The following CCDC30 variants were observed in gnomAD, a reference collection of about 807,000 sequenced individuals.
The protein encoded by CCDC30 is coiled-coil domain-containing protein 30.
Under a neutral mutation model 100.2 loss-of-function variants are expected in CCDC30, and 70 were observed. The ratio of observed to expected loss-of-function variants is 0.70; its 90% CI spans 0.58 to 0.85. The LOEUF (loss-of-function observed/expected upper bound fraction) is 0.85, where lower values mean the gene tolerates loss of function less well. Among genes scored for constraint, CCDC30 ranks in the 40% least tolerant of loss-of-function variants. The probability of loss-of-function intolerance (pLI) is 0.00; values close to 1 mark genes in which losing one functional copy is unlikely to be tolerated. For synonymous variants in CCDC30, 233 were observed against 269.5 expected (o/e 0.86, Z 1.33); for missense variants, 652 against 771.2 (o/e 0.85, Z 1.83).
At chr1:42,459,760 C>T (rs1368536249), upstream of CCDC30, 1 of 1,614,172 alleles carries the variant, frequency 6.2e-7, no homozygotes, top group Non-Finnish European at 8.5e-7. Context: ...GTGGTGGTGG[C>T]TAATATCCTT....
chr1:42,632,258 G>A (rs967552398), intron 11 of CCDC30, among the ~76,000 whole-genome samples: 3 of 152,168 alleles, frequency 2.0e-5, no homozygotes, highest in Admixed American at 6.5e-5. Context: ...GGTATGTCCA[G>A]GAGCTAGGGC....
intron 6 of CCDC30, among the ~76,000 whole-genome samples, chr1:42,547,666 A>G (rs1645171394): frequency 6.6e-6 from 1 of 152,146 alleles, no homozygotes; most frequent in South Asian, 2.1e-4. Context: ...TGAAAAGTCT[A>G]GGTATCTGCC....
chr1:42,596,163 C>T lies in CCDC30; in HGVS notation c.1164+6680C>T, dbSNP rs1280921850. On this transcript the variant is annotated intron_variant, in intron 10 of 16. Transcript: ENST00000668663. The surrounding 1 kb of genome is among the most constrained non-coding windows in gnomAD (Gnocchi z 4.3). ...ACTGGAGCAAAACCTTCATGAGGACCAGTGCCCAGGTATGGAAACCTGAAC... is the reference window on the plus strand; with the variant it reads ...ACTGGAGCAAAACCTTCATGAGGACTAGTGCCCAGGTATGGAAACCTGAAC... Among the ~76,000 whole-genome samples the T allele has an allele frequency of 1.3e-5, 2 of 152,130 alleles. No homozygotes were observed. Among genetic ancestry groups the T allele is most frequent in the African/African-American group, 2.4e-5 (1 of 41,418 alleles).
At chr1:42,630,444 A>G (rs1173020717) in intron 11 of CCDC30, among the ~76,000 whole-genome samples, 2 of 149,724 alleles carry the variant, frequency 1.3e-5, no homozygotes, top group Non-Finnish European at 3.0e-5. Context: ...GTGCAATGGC[A>G]TGAACTCAGC....
intron 10 of CCDC30, among the ~76,000 whole-genome samples, chr1:42,609,875 T>C (rs1257151029): frequency 1.3e-5 from 2 of 152,230 alleles, no homozygotes; most frequent in East Asian, 3.8e-4. Context: ...CAAAGCCTGT[T>C]TCTCACATAA....
downstream of CCDC30, chr1:42,654,712 CTT>C (rs761715209): frequency 1.4e-4 from 19 of 133,162 alleles, no homozygotes; most frequent in Non-Finnish European, 1.5e-4. Context: ...ATACCATAAG[CTT>C]TTTTTTTTTT....
At chr1:42,545,513 C>G in intron 6 of CCDC30, 1 of 1,606,754 alleles carries the variant, frequency 6.2e-7, no homozygotes, top group Non-Finnish European at 8.5e-7. Context: ...TGTAAAGATC[C>G]TGAATCTAAT....
At chr1:42,542,689 T>C (rs1488872765) in intron 6 of CCDC30, 1 of 140,250 alleles carries the variant, frequency 7.1e-6, no homozygotes, top group Non-Finnish European at 1.6e-5. Flanking sequence ...TAGCTGGGAC[T>C]ACAGGCGCCC....
chr1:42,471,549 C>A (rs574224566), intron 1 of CCDC30, among the ~76,000 whole-genome samples: 1 of 152,228 alleles, frequency 6.6e-6, no homozygotes, highest in Admixed American at 6.5e-5. Context: ...GCCAAATAGT[C>A]CTCATAGGAT....
intron 13 of CCDC30, among the ~76,000 whole-genome samples, chr1:42,643,867 T>C (rs577567555): frequency 3.3e-4 from 50 of 152,264 alleles, no homozygotes; most frequent in African/African-American, 1.2e-3. Flanking sequence ...TCACAAGAAA[T>C]CAGAATCCGA....
Position 42,589,607 on chromosome 1 carries a change from A to T in CCDC30, c.1164+124A>T, listed in dbSNP as rs137911814. On this transcript the variant is annotated intron_variant, in intron 10 of 16. Transcript: ENST00000668663. The stretch of plus-strand genomic sequence containing the variant: ...AGTCAGGGTTCAGTCAGGAAAGTAG[A>T]ATCTACTCTAGGTATTTCAAGCAAG... 2,523 of 799,202 alleles carry T rather than the reference A, an allele frequency of 3.2e-3. 5 individuals carry two copies. Among genetic ancestry groups the T allele is most frequent in the Non-Finnish European group, 4.0e-3 (1,958 of 492,970 alleles). The allele number at this position is 799,202 out of a possible 1,614,324, so 49.5% of individuals were successfully genotyped here.
chr1:42,481,788 A>AG (rs146144271), intron 2 of CCDC30, among the ~76,000 whole-genome samples: 2,193 of 152,308 alleles, frequency 0.014, 46 homozygotes, highest in African/African-American at 0.049. Context: ...TGTGAATTTA[A>AG]GTATGGGAGG....
chr1:42,482,732 G>A, exon 3 of CCDC30: 1 of 1,234,090 alleles, frequency 8.1e-7, no homozygotes, highest in Non-Finnish European at 1.0e-6. Flanking sequence ...GGAACAAGTA[G>A]CAAAGAAGTT....
At chr1:42,497,145 G>A (rs769862900) in exon 5 of CCDC30, 77 of 1,234,148 alleles carry the variant, frequency 6.2e-5, no homozygotes, top group Non-Finnish European at 7.7e-5. Context: ...GAGACTGGAT[G>A]AGGAAATTCT....
intron 10 of CCDC30, among the ~76,000 whole-genome samples, chr1:42,609,360 GTGTTAACT>G (rs1363961716): frequency 6.6e-6 from 1 of 152,268 alleles, no homozygotes; most frequent in East Asian, 1.9e-4. Flanking sequence ...TACAAAATAT[GTGTTAACT>G]GCTTATGTTG....
chr1:42,562,075 T>G (rs1645500465), intron 6 of CCDC30, among the ~76,000 whole-genome samples: 1 of 152,152 alleles, frequency 6.6e-6, no homozygotes, highest in South Asian at 2.1e-4. Context: ...CAAACTACCA[T>G]GACATTCTTC....
chr1:42,597,112 CAAAA>C (rs956639574), intron 10 of CCDC30, among the ~76,000 whole-genome samples: 1 of 151,624 alleles, frequency 6.6e-6, no homozygotes, highest in African/African-American at 2.4e-5. Flanking sequence ...GAAAAGCAAA[CAAAA>C]AAATACTAAA....
At chr1:42,491,394 A>C (rs1057107559) in intron 4 of CCDC30, among the ~76,000 whole-genome samples, 4 of 152,172 alleles carry the variant, frequency 2.6e-5, no homozygotes, top group Admixed American at 6.5e-5. Context: ...TGTGGAATCT[A>C]AAAATCAAAA....
intron 2 of CCDC30, among the ~76,000 whole-genome samples, chr1:42,482,152 A>G (rs1643969967): frequency 6.7e-6 from 1 of 150,264 alleles, no homozygotes. Flanking sequence ...TGGGAGGCGG[A>G]GGTTGCAGTT....
Sources: allele counts gnomAD v4.1 joint callset (sites outside exome capture counted in the v4.1 genomes callset), GRCh38; gene constraint gnomAD v4.1.1; non-coding constraint Gnocchi (gnomAD v3.1); transcripts MANE v1.5; gene names NCBI Gene and HGNC (gene_info 2026-07-23, HGNC 2026-07-21).